Variants in SPCS1 observed in about 807,000 individuals in gnomAD.
SPCS1 encodes SPase 12 kDa subunit.
A neutral mutation model predicts 16.4 loss-of-function variants in SPCS1; 10 were observed. The ratio of observed to expected loss-of-function variants is 0.61; its 90% CI spans 0.38 to 1.03. SPCS1 has a LOEUF of 1.03. Among genes scored for constraint, SPCS1 ranks in the 50% least tolerant of loss-of-function variants. The pLI, the probability that SPCS1 is intolerant of heterozygous loss-of-function variation, is 0.01. For synonymous variants in SPCS1, 47 were observed against 42.5 expected, an observed-to-expected ratio of 1.10 and a Z score of -0.41; for missense variants, 118 against 123.8, an observed-to-expected ratio of 0.95 and a Z score of 0.22.
Position 52,706,245 on chromosome 3 carries a change from C to A in SPCS1, c.-2C>A, listed in dbSNP as rs372603103. 1.3e-6 allele frequency: 2 copies of A among 1,593,040 alleles called. No homozygotes were observed. The highest frequency in any genetic ancestry group is 1.7e-6 in the Non-Finnish European group (2 of 1,177,298). ...CTCAGCTGCCCGCCTCCTCAGCCAGCCATGCTGGAGCATCTGAGCTCGCTG... is the reference window on the plus strand; with the variant it reads ...CTCAGCTGCCCGCCTCCTCAGCCAGACATGCTGGAGCATCTGAGCTCGCTG... On this transcript the variant is annotated 5_prime_UTR_variant, in exon 1 of 4. Coordinates refer to ENST00000619898, the MANE Select transcript of SPCS1 (RefSeq NM_014041.5).
chr3:52,711,015 A>C lies in SPCS1; in HGVS notation c.*3203A>C, dbSNP rs1168999353. ...GAGACAAACATTAAATATATCCAAA[A>C]ACTAAATGGACCTGGACTTTGCTTA... On this transcript the variant is annotated 3_prime_UTR_variant, in exon 4 of 4. Coordinates refer to ENST00000619898, the MANE Select transcript of SPCS1 (RefSeq NM_014041.5). The C allele has an allele frequency of 2.6e-5, 4 of 152,678 alleles. No homozygotes were observed. The highest frequency in any genetic ancestry group is 4.4e-5 in the Non-Finnish European group (3 of 68,046). 9.5% of individuals were successfully genotyped at this position (152,678 alleles called of 1,614,324 possible). A position where few individuals can be genotyped will look rare whatever the true frequency, so the allele number is the denominator to read the frequency against.
rs1030770142 is a variant in SPCS1, at chr3:52,709,725, T to TA, written c.*1914dup. 9 of 102,382 alleles carry TA rather than the reference T, an allele frequency of 8.8e-5. No homozygotes were observed. Among genetic ancestry groups the TA allele is most frequent in the Admixed American group, 3.1e-4 (3 of 9,542 alleles). The allele number at this position is 102,382 out of a possible 1,614,324, so 6.3% of individuals were successfully genotyped here. On this transcript the variant is annotated 3_prime_UTR_variant, in exon 4 of 4. Transcript: ENST00000619898. ...CAAAAAAAAAAAAAAAAAAAAAAGA[T>TA]ATGGGTGAGATTCCTTTAATTCTAA...
intron 3 of SPCS1, chr3:52,707,157 C>T: frequency 3.1e-6 from 1 of 323,178 alleles, no homozygotes; most frequent in Non-Finnish European, 5.6e-6. Flanking sequence ...GTCCCTTCAC[C>T]TTTTATTTAT....
chr3:52,706,558 C>T lies in SPCS1; in HGVS notation c.37-86C>T, dbSNP rs2097344920. 3 of 1,285,742 alleles carry T rather than the reference C, an allele frequency of 2.3e-6. No homozygotes were observed. In the Admixed American group the frequency reaches 5.4e-5, roughly 23 times the overall value. 79.6% of individuals were successfully genotyped at this position (1,285,742 alleles called of 1,614,324 possible). ...GCGGGAGACCCTGATGTTGGGGTTACCCTGTGCCAGAGTTGTGAGGTCAGG... is the reference window on the plus strand; with the variant it reads ...GCGGGAGACCCTGATGTTGGGGTTATCCTGTGCCAGAGTTGTGAGGTCAGG... On this transcript the variant is annotated intron_variant, in intron 1 of 3. Coordinates refer to ENST00000619898, the MANE Select transcript of SPCS1 (RefSeq NM_014041.5).
chr3:52,706,116 C>G lies in SPCS1; in HGVS notation c.-131C>G. 1.3e-6 allele frequency: 2 copies of G among 1,539,510 alleles called. No homozygotes were observed. The highest frequency in any genetic ancestry group is 1.7e-6 in the Non-Finnish European group (2 of 1,146,720). ...TCCGCTTCCGGGGCCGCCGCCATCGCTCTCCCGGGCTTAGAAGGCCCGGCT... is the reference window on the plus strand; with the variant it reads ...TCCGCTTCCGGGGCCGCCGCCATCGGTCTCCCGGGCTTAGAAGGCCCGGCT... On this transcript the variant is annotated 5_prime_UTR_variant, in exon 1 of 4. Transcript: ENST00000619898.
At position 52,706,548 on chromosome 3, in the gene SPCS1, G is replaced by T; in HGVS notation, c.37-96G>T. ...CCTTAGGAGAGCGGGAGACCCTGATGTTGGGGTTACCCTGTGCCAGAGTTG... is the reference window on the plus strand; with the variant it reads ...CCTTAGGAGAGCGGGAGACCCTGATTTTGGGGTTACCCTGTGCCAGAGTTG... On this transcript the variant is annotated intron_variant, in intron 1 of 3. Transcript: ENST00000619898. 5.0e-6 allele frequency: 6 copies of T among 1,191,626 alleles called. 1 individual carries two copies. In the South Asian group the frequency reaches 7.5e-5, roughly 15 times the overall value. The allele number at this position is 1,191,626 out of a possible 1,614,324, so 73.8% of individuals were successfully genotyped here.
chr3:52,710,346 CAG>C lies in SPCS1; in HGVS notation c.*2537_*2538del, dbSNP rs764081243. 12 of 141,080 alleles carry C rather than the reference CAG, an allele frequency of 8.5e-5. No homozygotes were observed. The highest frequency in any genetic ancestry group is 1.7e-4 in the Non-Finnish European group (11 of 66,208). The allele number at this position is 141,080 out of a possible 1,614,324, so 8.7% of individuals were successfully genotyped here. A position where few individuals can be genotyped will look rare whatever the true frequency, so the allele number is the denominator to read the frequency against. Reference sequence around the variant, plus strand: ...GGCCACTGCACTTCAGCCTGGGTGACAGAGCAAGACTGTGTCTTAAAAAAAAA... The same window carrying C: ...GGCCACTGCACTTCAGCCTGGGTGACAGCAAGACTGTGTCTTAAAAAAAAA... On this transcript the variant is annotated 3_prime_UTR_variant, in exon 4 of 4. Transcript: ENST00000619898.
rs778893338 is a variant in SPCS1, at chr3:52,709,903, T to A, written c.*2091T>A. 2.0e-5 allele frequency: 3 copies of A among 152,204 alleles called. No individual in the cohort carries two copies. Among genetic ancestry groups the A allele is most frequent in the Non-Finnish European group, 4.4e-5 (3 of 68,036 alleles). 9.4% of individuals were successfully genotyped at this position (152,204 alleles called of 1,614,324 possible). ...TTTGTTCCCAACTGGGCATTGGGAC[T>A]TGATGGTTTTGCAAGTTGAGTTCTA... On this transcript the variant is annotated 3_prime_UTR_variant, in exon 4 of 4. Coordinates refer to ENST00000619898, the MANE Select transcript of SPCS1 (RefSeq NM_014041.5).
At chr3:52,707,324 C>A in intron 3 of SPCS1, 1 of 207,236 alleles carries the variant, frequency 4.8e-6, no homozygotes, top group Non-Finnish European at 9.8e-6. Context: ...AGCCCACCAC[C>A]ACACCCAGCT....
At position 52,710,790 on chromosome 3, in the gene SPCS1, G is replaced by C. The variant is rs1193614113; in HGVS notation, c.*2978G>C. 6.6e-6 allele frequency: 1 copy of C among 152,052 alleles called. No homozygotes were observed. Among genetic ancestry groups the C allele is most frequent in the Non-Finnish European group, 1.5e-5 (1 of 68,002 alleles). 9.4% of individuals were successfully genotyped at this position (152,052 alleles called of 1,614,324 possible). A position where few individuals can be genotyped will look rare whatever the true frequency, so the allele number is the denominator to read the frequency against. On this transcript the variant is annotated 3_prime_UTR_variant, in exon 4 of 4. Coordinates refer to ENST00000619898, the MANE Select transcript of SPCS1 (RefSeq NM_014041.5). ...AAAAAAACACCTGAAAACATTTCTG[G>C]AGCAATATTTATTTTTAGAGTCCCT...
Position 52,706,173 on chromosome 3 carries a change from C to T in SPCS1, c.-74C>T, listed in dbSNP as rs899564804. 6.5e-7 allele frequency: 1 copy of T among 1,547,926 alleles called. No individual in the cohort carries two copies. Reference sequence around the variant, plus strand: ...GCGCAGTGCCAGACCTTACCCCTCACGGTCCTTAAGTCTCGGTCGCCCTCG... The same window carrying T: ...GCGCAGTGCCAGACCTTACCCCTCATGGTCCTTAAGTCTCGGTCGCCCTCG... On this transcript the variant is annotated 5_prime_UTR_variant, in exon 1 of 4. It adds an upstream start codon to the 5' untranslated region. Coordinates refer to ENST00000619898, the MANE Select transcript of SPCS1 (RefSeq NM_014041.5).
At position 52,706,746 on chromosome 3, in the gene SPCS1, C is replaced by T. The variant is rs779419171; in HGVS notation, c.96+43C>T. 9 of 1,607,448 alleles carry T rather than the reference C, an allele frequency of 5.6e-6. No individual in the cohort carries two copies. The South Asian group carries it at 9.9e-5, about 18-fold the overall frequency. On this transcript the variant is annotated intron_variant, in intron 2 of 3. Coordinates refer to ENST00000619898, the MANE Select transcript of SPCS1 (RefSeq NM_014041.5). ...ATTTAATCTCCGCCCCCGCCTCCCT[C>T]CCAACCCTCAGTTTGAGTGTGTTTA...
In SPCS1 at chr3:52,709,204, T is replaced by C. The variant is rs2097347844; in HGVS notation, c.*1392T>C. Reference sequence around the variant, plus strand: ...CTCAAAAAAAAAAAAAAAAGAATGATTGACATTTTAGAACCAATGCCAAAA... The same window carrying C: ...CTCAAAAAAAAAAAAAAAAGAATGACTGACATTTTAGAACCAATGCCAAAA... On this transcript the variant is annotated 3_prime_UTR_variant, in exon 4 of 4. Coordinates refer to ENST00000619898, the MANE Select transcript of SPCS1 (RefSeq NM_014041.5). 1.3e-5 allele frequency: 2 copies of C among 148,654 alleles called. No homozygotes were observed. The highest frequency in any genetic ancestry group is 2.0e-4 in the East Asian group (1 of 5,054). 9.2% of individuals were successfully genotyped at this position (148,654 alleles called of 1,614,324 possible). A position where few individuals can be genotyped will look rare whatever the true frequency, so the allele number is the denominator to read the frequency against.
intron 3 of SPCS1, 48 bp from the exon 4 acceptor site, chr3:52,707,639 T>A (rs2097345995): frequency 3.8e-6 from 6 of 1,584,246 alleles, no homozygotes; most frequent in Non-Finnish European, 5.1e-6. Context: ...AATGATTTTT[T>A]AAACTTTTAA....
In SPCS1 at chr3:52,706,434, C is replaced by T. The variant is rs914816906; in HGVS notation, c.36+152C>T. 7.8e-6 allele frequency: 7 copies of T among 900,744 alleles called. No individual in the cohort carries two copies. The African/African-American group carries it at 8.4e-5, about 11-fold the overall frequency. 55.8% of individuals were successfully genotyped at this position (900,744 alleles called of 1,614,324 possible). A position where few individuals can be genotyped will look rare whatever the true frequency, so the allele number is the denominator to read the frequency against. ...CGAATTGCCTCCTGGGTCCCCTTCT[C>T]TTCTACTCCGCGAGAATCTCCTGTC... On this transcript the variant is annotated intron_variant, in intron 1 of 3. Transcript: ENST00000619898.
At position 52,710,257 on chromosome 3, in the gene SPCS1, C is replaced by T. The variant is rs1002005160; in HGVS notation, c.*2445C>T. 4 of 151,352 alleles carry T rather than the reference C, an allele frequency of 2.6e-5. No homozygotes were observed. Among genetic ancestry groups the T allele is most frequent in the East Asian group, 1.9e-4 (1 of 5,160 alleles). The allele number at this position is 151,352 out of a possible 1,614,324, so 9.4% of individuals were successfully genotyped here. On this transcript the variant is annotated 3_prime_UTR_variant, in exon 4 of 4. Transcript: ENST00000619898. ...GCGGGCAACTGTAGTCCCAGCTACT[C>T]GAGAGGATGAGGTAGGAGAATGGAG...
At position 52,707,895 on chromosome 3, in the gene SPCS1, C is replaced by CT; in HGVS notation, c.*84dup. 1 of 1,511,746 alleles carries CT rather than the reference C, an allele frequency of 6.6e-7. No homozygotes were observed. 93.6% of individuals were successfully genotyped at this position (1,511,746 alleles called of 1,614,324 possible). A position where few individuals can be genotyped will look rare whatever the true frequency, so the allele number is the denominator to read the frequency against. The stretch of plus-strand genomic sequence containing the variant: ...TACCCCAGATAAGAGCTAAAACCAC[C>CT]TAATGCTCTTATGGCACAGCTGTGT... On this transcript the variant is annotated 3_prime_UTR_variant, in exon 4 of 4. Coordinates refer to ENST00000619898, the MANE Select transcript of SPCS1 (RefSeq NM_014041.5).
chr3:52,706,737 C>T (rs1271677081), intron 2 of SPCS1, 34 bp downstream of exon 2: 1 of 1,608,440 alleles, frequency 6.2e-7, no homozygotes, highest in African/African-American at 1.3e-5. Flanking sequence ...TCTCCGCCCC[C>T]GCCTCCCTCC....
chr3:52,707,690 A>G lies in SPCS1; in HGVS notation c.187A>G (p.Thr63Ala), dbSNP rs1488293880. The stretch of plus-strand genomic sequence containing the variant: ...CATTTCCTCTTTTCTGGCCCAGCTG[A>G]CACTTCCTCCATGGCCCATCTATCG... ...MAGFAFSCLL[T>A]LPPWPIYRRH... Residue 63 changes from threonine (T) to alanine (A), a missense_variant, in exon 4 of 4, where the codon ACA becomes GCA. Physicochemically the swap from Thr to Ala is moderately conservative, Grantham distance 58. Coordinates refer to ENST00000619898, the MANE Select transcript of SPCS1 (RefSeq NM_014041.5). 1 of 1,613,378 alleles carries G rather than the reference A, an allele frequency of 6.2e-7. No individual in the cohort carries two copies.
Sources: allele counts gnomAD v4.1 joint callset, GRCh38; gene constraint gnomAD v4.1.1; transcripts MANE v1.5; gene names NCBI Gene and HGNC (gene_info 2026-07-23, HGNC 2026-07-21).